Variants in PLG observed in about 807,000 individuals in gnomAD.
PLG encodes the protein plasminogen, also known as plasmin.
In PLG, 41 loss-of-function variants were observed where a neutral mutation model predicts 104.4. The observed-to-expected ratio is 0.39, with a 90% confidence interval of 0.31 to 0.51. PLG has a LOEUF of 0.51. PLG is among the 20% of genes least tolerant of loss of function. The probability of loss-of-function intolerance (pLI) is 0.76; values close to 1 mark genes in which losing one functional copy is unlikely to be tolerated. For synonymous variants in PLG, 337 were observed against 357.1 expected (o/e 0.94, Z 0.63); for missense variants, 891 against 1,003.6 (o/e 0.89, Z 1.52).
rs749135572 is a variant in PLG, at chr6:160,734,005, ACC to A, written c.1600_1601del (p.Pro534Ter). The A allele has an allele frequency of 6.2e-7, 1 of 1,604,348 alleles. No homozygotes were observed. Among genetic ancestry groups the A allele is most frequent in the South Asian group, 1.1e-5 (1 of 90,894 alleles). On this transcript the variant is annotated frameshift_variant, in exon 13 of 19. Coordinates refer to ENST00000308192, the MANE Select transcript of PLG (RefSeq NM_000301.5). LOFTEE classifies it high-confidence loss of function. The surrounding 1 kb of genome is among the most constrained non-coding windows in gnomAD (Gnocchi z 4.4). ...CCTTCTTGTTTTCAGTACTGCCGTA[ACC>A]CTGATGGTGATGTAGGTGGTCCCTG...
rs1007137655 is a variant in PLG at position 160,718,958 on chromosome 6, C to G, written c.1096+120C>G. On this transcript the variant is annotated intron_variant, in intron 9 of 18. Coordinates refer to ENST00000308192, the MANE Select transcript of PLG (RefSeq NM_000301.5). Reference sequence around the variant, plus strand: ...TTTAATGCTATTGTGGTCAGAAAGCCTGCCCTTATGATTTCAGTTTTTTTA... The same window carrying G: ...TTTAATGCTATTGTGGTCAGAAAGCGTGCCCTTATGATTTCAGTTTTTTTA... 2.9e-5 allele frequency: 26 copies of G among 893,328 alleles called. No individual in the cohort carries two copies. The African/African-American group carries it at 4.0e-4, about 14-fold the overall frequency. The allele number at this position is 893,328 out of a possible 1,614,324, so 55.3% of individuals were successfully genotyped here. A position where few individuals can be genotyped will look rare whatever the true frequency, so the allele number is the denominator to read the frequency against.
At chr6:160,746,047 C>A (rs1446675547) in intron 17 of PLG, among the ~76,000 whole-genome samples, 1 of 152,162 alleles carries the variant, frequency 6.6e-6, no homozygotes, top group African/African-American at 2.4e-5. Context: ...TTCTCTCTAG[C>A]TGCCTTTAAC....
In PLG at chr6:160,707,778, G is replaced by A. The variant is rs189824042; in HGVS notation, c.264G>A (p.Met88Ile). Residue 88 changes from methionine to isoleucine, a missense_variant, in exon 3 of 19, where the codon ATG becomes ATA. Met to Ile is a conservative substitution (Grantham distance 10). Transcript: ENST00000308192. ...GGAAGTCCTCCATAATCATTAGGAT[G>A]AGAGATGTAGTTTTATTTGAAAAGA... ...ENRKSSIIIR[M>I]RDVVLFEKKV... 4.8e-5 allele frequency: 78 copies of A among 1,611,460 alleles called. No individual in the cohort carries two copies. Among genetic ancestry groups the A allele is most frequent in the Non-Finnish European group, 6.3e-5 (74 of 1,179,406 alleles).
Position 160,739,544 on chromosome 6 carries a change from T to C in PLG, c.2018+336T>C, listed in dbSNP as rs1231874645. 6.6e-6 allele frequency among the ~76,000 whole-genome samples: 1 copy of C among 152,174 alleles called. No homozygotes were observed. The highest frequency in any genetic ancestry group is 2.4e-5 in the African/African-American group (1 of 41,454). ...TTCCAGGCTGACAATTCCCCCTTCA[T>C]CATAATATGTTTAAGAGAATCATAT... On this transcript the variant is annotated intron_variant, in intron 16 of 18. Transcript: ENST00000308192. The surrounding 1 kb of genome is among the most constrained non-coding windows in gnomAD (Gnocchi z 4.4).
In PLG at chr6:160,719,527, A is replaced by G. The variant is rs1777796603; in HGVS notation, c.1096+689A>G. Among the ~76,000 whole-genome samples the G allele has an allele frequency of 6.6e-6, 1 of 152,208 alleles. No individual in the cohort carries two copies. The highest frequency in any genetic ancestry group is 2.4e-5 in the African/African-American group (1 of 41,454). Reference sequence around the variant, plus strand: ...ACCATTTGCATTCATGCAATTGTTAATAGAGTTGAATTTACATCTACCATC... The same window carrying G: ...ACCATTTGCATTCATGCAATTGTTAGTAGAGTTGAATTTACATCTACCATC... On this transcript the variant is annotated intron_variant, in intron 9 of 18. Transcript: ENST00000308192. This position sits in a 1 kb window ranked among gnomAD's most constrained non-coding sequence, Gnocchi z 4.1.
rs569259315 is a variant in PLG at position 160,735,946 on chromosome 6, T to C, written c.1682-941T>C. Among the ~76,000 whole-genome samples, 9 of 152,286 alleles carry C rather than the reference T, an allele frequency of 5.9e-5. No individual in the cohort carries two copies. The South Asian group carries it at 1.9e-3, about 32-fold the overall frequency. On this transcript the variant is annotated intron_variant, in intron 13 of 18. Coordinates refer to ENST00000308192, the MANE Select transcript of PLG (RefSeq NM_000301.5). The surrounding 1 kb of genome is among the most constrained non-coding windows in gnomAD (Gnocchi z 5.4). ...TTCTCAGAACAGCCCATGGCAAATG[T>C]AAAGTTATTTGGAAAACCCAGGTTC...
Position 160,719,961 on chromosome 6 carries a change from C to T in PLG, c.1096+1123C>T, listed in dbSNP as rs999904075. 1.3e-5 allele frequency among the ~76,000 whole-genome samples: 2 copies of T among 152,166 alleles called. No individual in the cohort carries two copies. The highest frequency in any genetic ancestry group is 2.9e-5 in the Non-Finnish European group (2 of 68,032). ...TTATTTTACCATTTCTGGTGCTTCT[C>T]ATCTACTGGGGTAGATCTCAATTTC... On this transcript the variant is annotated intron_variant, in intron 9 of 18. Transcript: ENST00000308192. The surrounding 1 kb of genome is among the most constrained non-coding windows in gnomAD (Gnocchi z 4.1).
In PLG at chr6:160,722,479, T is replaced by TCCA; in HGVS notation, c.1179_1181dup (p.Thr394dup). The stretch of plus-strand genomic sequence containing the variant: ...TGGACAGAGCTACCGAGGCACATCC[T>TCCA]CCACCACCACCACAGGAAAGAAGTG... On this transcript the variant is annotated inframe_insertion, in exon 10 of 19. Coordinates refer to ENST00000308192, the MANE Select transcript of PLG (RefSeq NM_000301.5). The TCCA allele has an allele frequency of 6.2e-7, 1 of 1,612,772 alleles. No individual in the cohort carries two copies. The highest frequency in any genetic ancestry group is 8.5e-7 in the Non-Finnish European group (1 of 1,178,790).
chr6:160,734,486 A>C lies in PLG; in HGVS notation c.1681+398A>C, dbSNP rs534013687. ...AAATACAAACAGCAGGAAACAGGTA[A>C]GCATGTAACGCACATTGTAAACCTC... On this transcript the variant is annotated intron_variant, in intron 13 of 18. Transcript: ENST00000308192. The surrounding 1 kb of genome is among the most constrained non-coding windows in gnomAD (Gnocchi z 4.4). Among the ~76,000 whole-genome samples the C allele has an allele frequency of 1.1e-4, 17 of 152,316 alleles. 1 individual carries two copies. The South Asian group carries it at 3.3e-3, about 30-fold the overall frequency.
Position 160,734,805 on chromosome 6 carries a change from G to A in PLG, c.1681+717G>A, listed in dbSNP as rs1476469772. ...GGAATTGTCCCATATTTAACATTCT[G>A]CTGACCAATCAATTTGTCCTAGTTA... is the stretch of plus-strand genomic sequence containing the variant. On this transcript the variant is annotated intron_variant, in intron 13 of 18. Transcript: ENST00000308192. This position sits in a 1 kb window ranked among gnomAD's most constrained non-coding sequence, Gnocchi z 4.4. Among the ~76,000 whole-genome samples, 2 of 150,906 alleles carry A rather than the reference G, an allele frequency of 1.3e-5. No homozygotes were observed. Among genetic ancestry groups the A allele is most frequent in the Non-Finnish European group, 2.9e-5 (2 of 67,872 alleles).
Position 160,706,449 on chromosome 6 carries a change from C to T in PLG, c.92C>T (p.Ala31Val). ...GATGACTATGTGAATACCCAGGGGG[C>T]TTCACTGTTCAGTGTCACTAAGAAG... ...PLDDYVNTQG[A>V]SLFSVTKKQL... The change falls in exon 2 of 19, where the codon GCT becomes GTT. Residue 31 changes from alanine (A) to valine (V), a missense_variant. This residue lies in a region of PLG where 854 missense variants were observed against 932.1 expected (regional missense o/e 0.92). Coordinates refer to ENST00000308192, the MANE Select transcript of PLG (RefSeq NM_000301.5). 1 of 1,613,580 alleles carries T rather than the reference C, an allele frequency of 6.2e-7. No individual in the cohort carries two copies. Among genetic ancestry groups the T allele is most frequent in the South Asian group, 1.1e-5 (1 of 91,054 alleles).
At chr6:160,717,288 T>C (rs1170808864) in intron 7 of PLG, among the ~76,000 whole-genome samples, 4 of 152,118 alleles carry the variant, frequency 2.6e-5, no homozygotes, top group African/African-American at 9.7e-5. Context: ...AACAATTTTA[T>C]CATATTTTCC....
chr6:160,717,939 G>T (rs1777767063), intron 7 of PLG, among the ~76,000 whole-genome samples: 1 of 152,172 alleles, frequency 6.6e-6, no homozygotes. Flanking sequence ...ATCCATCTGT[G>T]CATTCTCTAT....
chr6:160,704,521 A>G (rs918501761), intron 1 of PLG, among the ~76,000 whole-genome samples: 3 of 152,224 alleles, frequency 2.0e-5, no homozygotes, highest in Non-Finnish European at 4.4e-5. Context: ...TCACACTGTG[A>G]GCTATATAGA....
intron 7 of PLG, among the ~76,000 whole-genome samples, 162 bp downstream of exon 7, chr6:160,716,925 G>A (rs982889933): frequency 1.3e-5 from 2 of 152,152 alleles, no homozygotes; most frequent in African/African-American, 4.8e-5. Flanking sequence ...AAACAGTTAT[G>A]GTTATTGGTT....
chr6:160,714,762 T>C, intron 5 of PLG, 32 bp from the exon 6 acceptor site: 1 of 1,611,982 alleles, frequency 6.2e-7, no homozygotes, highest in East Asian at 2.2e-5. Context: ...GTTTTCTTCT[T>C]CCTCTCTGTC....
At chr6:160,717,816 C>G (rs783146) in intron 7 of PLG, among the ~76,000 whole-genome samples, 28,005 of 152,208 alleles carry the variant, frequency 0.18, 3,375 homozygotes, top group East Asian at 0.53. Context: ...GGCATAGATG[C>G]TACTAAATTG....
At chr6:160,711,680 A>G (rs1238520141) in intron 4 of PLG, 2 of 1,610,704 alleles carry the variant, frequency 1.2e-6, no homozygotes, top group East Asian at 4.5e-5. Flanking sequence ...AGGTTTCTTG[A>G]AGACCTAGAA....
At chr6:160,750,076 T>C (rs1361040973) in intron 17 of PLG, among the ~76,000 whole-genome samples, 1 of 152,226 alleles carries the variant, frequency 6.6e-6, no homozygotes, top group East Asian at 1.9e-4. Context: ...ATGTCAATAA[T>C]GACATTGAAG....
Sources: gnomAD v4.1 joint callset for allele counts (sites outside exome capture counted in the v4.1 genomes callset) on GRCh38, gnomAD v4.1.1 for gene constraint, gnomAD v4.1.1 regional missense constraint, Gnocchi (gnomAD v3.1) non-coding constraint, MANE v1.5 for transcripts, NCBI Gene and HGNC (gene_info 2026-07-23, HGNC 2026-07-21) for gene names.